CHST4: variants seen among roughly 807,000 people sequenced by gnomAD.
The protein encoded by CHST4 is carbohydrate sulfotransferase 4, also known as GST-3.
For missense variants in CHST4, 466 were observed against 506.0 expected, an observed-to-expected ratio of 0.92 and a Z score of 0.76; for synonymous variants, 171 against 195.5, an observed-to-expected ratio of 0.87 and a Z score of 1.05.
chr16:71,534,634 A>G (rs1385137591), intron 1 of CHST4, among the ~76,000 whole-genome samples: 3 of 152,066 alleles, frequency 2.0e-5, no homozygotes, highest in Admixed American at 2.0e-4. Flanking sequence ...TTGGGACTAC[A>G]GGCATGAGCC....
intron 1 of CHST4, among the ~76,000 whole-genome samples, chr16:71,530,682 G>A (rs910610956): frequency 1.3e-5 from 2 of 151,902 alleles, no homozygotes; most frequent in African/African-American, 4.8e-5. Flanking sequence ...CAGGAGGATC[G>A]AAAATCACTT....
chr16:71,538,494 T>C lies in CHST4; in HGVS notation c.*656T>C, dbSNP rs147675299. On this transcript the variant is annotated 3_prime_UTR_variant, in exon 2 of 2. Transcript: ENST00000539698. The stretch of plus-strand genomic sequence containing the variant: ...GACCTGTGAAGCTGCCATCTGTTAA[T>C]ACTAAAATTCCCAAATAAGGTTCTG... 118 of 167,266 alleles carry C rather than the reference T, an allele frequency of 7.1e-4. No homozygotes were observed. Among genetic ancestry groups the C allele is most frequent in the Non-Finnish European group, 1.1e-3 (78 of 68,134 alleles). The allele number at this position is 167,266 out of a possible 1,614,324, so 10.4% of individuals were successfully genotyped here.
intron 1 of CHST4, among the ~76,000 whole-genome samples, chr16:71,534,550 C>T (rs1258818846): frequency 6.6e-6 from 1 of 151,754 alleles, no homozygotes; most frequent in Non-Finnish European, 1.5e-5. Flanking sequence ...CAGAGGCAGG[C>T]ATTCACCATG....
chr16:71,538,629 C>G lies in CHST4; in HGVS notation c.*791C>G, dbSNP rs770827182. On this transcript the variant is annotated 3_prime_UTR_variant, in exon 2 of 2. Coordinates refer to ENST00000539698, the MANE Select transcript of CHST4 (RefSeq NM_001166395.2). ...CATCTTTATTGGTTTTTTAAAACAC[C>G]TTTGCTATTATCTATCACCCATTTA... 2 of 165,814 alleles carry G rather than the reference C, an allele frequency of 1.2e-5. No individual in the cohort carries two copies. Among genetic ancestry groups the G allele is most frequent in the Non-Finnish European group, 2.9e-5 (2 of 68,088 alleles). 10.3% of individuals were successfully genotyped at this position (165,814 alleles called of 1,614,324 possible).
intron 1 of CHST4, among the ~76,000 whole-genome samples, chr16:71,536,259 T>C (rs942320863): frequency 3.7e-4 from 57 of 152,148 alleles, no homozygotes; most frequent in Non-Finnish European, 8.1e-4. Flanking sequence ...TCACAAGCCA[T>C]TCCTCCAAGA....
chr16:71,530,103 A>C (rs1429322303), intron 1 of CHST4, among the ~76,000 whole-genome samples: 1 of 151,936 alleles, frequency 6.6e-6, no homozygotes, highest in East Asian at 1.9e-4. Flanking sequence ...ATGCCACTGC[A>C]CTCCAGCCTG....
intron 1 of CHST4, among the ~76,000 whole-genome samples, chr16:71,534,073 G>T (rs1009842141): frequency 4.0e-5 from 6 of 151,212 alleles, no homozygotes; most frequent in Admixed American, 4.0e-4. Flanking sequence ...CCCCTCCCCA[G>T]TGACATATGT....
intron 1 of CHST4, among the ~76,000 whole-genome samples, chr16:71,534,778 C>G (rs187332002): frequency 5.9e-5 from 9 of 152,354 alleles, no homozygotes; most frequent in Non-Finnish European, 1.3e-4. Flanking sequence ...TCCAGCCCCA[C>G]TTACCATCTG....
At chr16:71,529,864 G>T (rs1261145169) in intron 1 of CHST4, among the ~76,000 whole-genome samples, 2 of 152,132 alleles carry the variant, frequency 1.3e-5, no homozygotes, top group African/African-American at 4.8e-5. Flanking sequence ...ATCTCAAGAG[G>T]GGGCTGGGCG....
At chr16:71,528,543 AC>A (rs1259484372) in intron 1 of CHST4, among the ~76,000 whole-genome samples, 5 of 152,162 alleles carry the variant, frequency 3.3e-5, no homozygotes, top group African/African-American at 1.2e-4. Context: ...TTATATGGAC[AC>A]CCTTTACCCA....
Position 71,538,025 on chromosome 16 carries a change from C to A in CHST4, c.*187C>A, listed in dbSNP as rs1250736562. ...TCCATGCTTGTGTCTAGAAAACAGA[C>A]TGGGGAACCTTATGTGAGCAGCACA... is the stretch of plus-strand genomic sequence containing the variant. On this transcript the variant is annotated 3_prime_UTR_variant, in exon 2 of 2. Transcript: ENST00000539698. 3.2e-6 allele frequency: 2 copies of A among 617,584 alleles called. No homozygotes were observed. The highest frequency in any genetic ancestry group is 2.1e-5 in the South Asian group (1 of 47,278). 38.3% of individuals were successfully genotyped at this position (617,584 alleles called of 1,614,324 possible). A position where few individuals can be genotyped will look rare whatever the true frequency, so the allele number is the denominator to read the frequency against.
intron 1 of CHST4, among the ~76,000 whole-genome samples, chr16:71,536,064 G>A (rs2043985761): frequency 6.6e-6 from 1 of 152,216 alleles, no homozygotes; most frequent in African/African-American, 2.4e-5. Flanking sequence ...AAGCCAAGCA[G>A]TTGCACAGCC....
chr16:71,530,611 G>GA (rs2043941205), intron 1 of CHST4, among the ~76,000 whole-genome samples: 1 of 151,170 alleles, frequency 6.6e-6, no homozygotes, highest in Non-Finnish European at 1.5e-5. Flanking sequence ...AGTAAAAAAT[G>GA]AAAAAATTAT....
rs1395414294 is a variant in CHST4, at chr16:71,536,997, G to A, written c.320G>A (p.Ser107Asn). The A allele has an allele frequency of 2.5e-6, 4 of 1,614,128 alleles. No homozygotes were observed. The South Asian group carries it at 4.4e-5, about 18-fold the overall frequency. ...CGGGCCGTCTTCTTGTGCGACATGA[G>A]CGTCTTTGATGCCTACATGGAACCT... Reference protein sequence around the residue: ...LIRAVFLCDMSVFDAYMEPGP... With the variant: ...LIRAVFLCDMNVFDAYMEPGP... Residue 107 changes from serine to asparagine, a missense_variant, in exon 2 of 2, where the codon AGC becomes AAC. Coordinates refer to ENST00000539698, the MANE Select transcript of CHST4 (RefSeq NM_001166395.2).
chr16:71,536,607 G>A (rs1010091312), intron 1 of CHST4, 53 bp from the exon 2 acceptor site: 2 of 1,311,976 alleles, frequency 1.5e-6, no homozygotes, highest in South Asian at 2.5e-5. Context: ...GGGAATAGAA[G>A]GCAAACAATA....
chr16:71,535,748 G>A (rs573281552), intron 1 of CHST4, among the ~76,000 whole-genome samples: 9 of 152,238 alleles, frequency 5.9e-5, no homozygotes, highest in Non-Finnish European at 7.4e-5. Context: ...CTTTCTTAGA[G>A]TTGGCAGGTA....
intron 1 of CHST4, among the ~76,000 whole-genome samples, chr16:71,529,541 C>CTCTTT (rs1217192011): frequency 1.7e-5 from 1 of 58,750 alleles, no homozygotes; most frequent in Admixed American, 1.9e-4. Flanking sequence ...CCATGCTCAT[C>CTCTTT]TATTTTTTTT....
At chr16:71,536,435 A>G (rs1380650826) in intron 1 of CHST4, among the ~76,000 whole-genome samples, 1 of 152,200 alleles carries the variant, frequency 6.6e-6, no homozygotes, top group Non-Finnish European at 1.5e-5. Flanking sequence ...AAAGACCAGG[A>G]AGGAGGAATT....
At position 71,537,758 on chromosome 16, in the gene CHST4, C is replaced by T. The variant is rs546031767; in HGVS notation, c.1081C>T (p.His361Tyr). 7.4e-6 allele frequency: 12 copies of T among 1,614,222 alleles called. No homozygotes were observed. In the African/African-American group the frequency reaches 1.5e-4, roughly 20 times the overall value. ...GDAMNLLGYR[H>Y]VRSEQEQRNL... ...TGCCATGAATTTGCTGGGCTACCGC[C>T]ACGTCAGATCTGAACAAGAACAGAG... is the stretch of plus-strand genomic sequence containing the variant. The change falls in exon 2 of 2, where the codon CAC becomes TAC. Residue 361 changes from histidine (H) to tyrosine (Y), a missense_variant. Physicochemically the swap from His to Tyr is moderately conservative, Grantham distance 83. Transcript: ENST00000539698. This position sits in a 1 kb window ranked among gnomAD's most constrained non-coding sequence, Gnocchi z 4.2.
Sources: allele counts gnomAD v4.1 joint callset (sites outside exome capture counted in the v4.1 genomes callset), GRCh38; gene constraint gnomAD v4.1.1; non-coding constraint Gnocchi (gnomAD v3.1); transcripts MANE v1.5; gene names NCBI Gene and HGNC (gene_info 2026-07-23, HGNC 2026-07-21).